RALYL: variants seen among roughly 807,000 people sequenced by gnomAD.
RALYL encodes RNA-binding Raly-like protein.
A neutral mutation model predicts 35.1 loss-of-function variants in RALYL; 29 were observed. The ratio of observed to expected loss-of-function variants is 0.83; its 90% confidence interval spans 0.61 to 1.13. RALYL has a LOEUF of 1.13. Among genes scored for constraint, RALYL ranks in the 50% most tolerant of loss-of-function variants. The pLI, the probability that RALYL is intolerant of heterozygous loss-of-function variation, is 0.00. For synonymous variants in RALYL, 120 were observed against 127.6 expected (o/e 0.94, Z 0.40); for missense variants, 359 against 360.4 (o/e 1.00, Z 0.03).
intron 2 of RALYL, among the ~76,000 whole-genome samples, chr8:84,641,804 A>C (rs1290199769): frequency 2.0e-5 from 3 of 151,386 alleles, no homozygotes; most frequent in Admixed American, 6.6e-5. Flanking sequence ...AAAAAAAAAA[A>C]AAAACTCATA....
At position 84,880,586 on chromosome 8, in the gene RALYL, C is replaced by T. The variant is rs545883062; in HGVS notation, c.686-7018C>T. Among the ~76,000 whole-genome samples the T allele has an allele frequency of 3.9e-5, 6 of 152,044 alleles. No homozygotes were observed. The East Asian group carries it at 9.6e-4, about 24-fold the overall frequency. On this transcript the variant is annotated intron_variant, in intron 7 of 8. Coordinates refer to ENST00000521268, the MANE Select transcript of RALYL (RefSeq NM_173848.7). ...CCTTCCCTCTATTTTCCTAAAGATA[C>T]GCCAATACCCAAACCCTCATCATCT...
rs142132483 is a variant in RALYL at position 84,790,784 on chromosome 8, A to G, written c.333-13986A>G. 2.5e-3 allele frequency among the ~76,000 whole-genome samples: 384 copies of G among 152,348 alleles called. 1 individual carries two copies. The highest frequency in any genetic ancestry group is 7.8e-3 in the African/African-American group (324 of 41,578). On this transcript the variant is annotated intron_variant, in intron 3 of 8. Coordinates refer to ENST00000521268, the MANE Select transcript of RALYL (RefSeq NM_173848.7). ...AAAGAGAAAGTGATGTACAGAAAATAGAAGTGAGATCCAGAAGTAGCGGAT... is the reference window on the plus strand; with the variant it reads ...AAAGAGAAAGTGATGTACAGAAAATGGAAGTGAGATCCAGAAGTAGCGGAT...
intron 2 of RALYL, among the ~76,000 whole-genome samples, chr8:84,750,890 C>T (rs1489386808): frequency 6.6e-6 from 1 of 152,132 alleles, no homozygotes; most frequent in Non-Finnish European, 1.5e-5. Flanking sequence ...TTTCTTCATA[C>T]TTTACCTAGT....
chr8:84,662,993 C>T (rs1831217350), intron 2 of RALYL, among the ~76,000 whole-genome samples: 3 of 151,996 alleles, frequency 2.0e-5, no homozygotes, highest in African/African-American at 7.2e-5. Context: ...CTCCTCCCAC[C>T]CCTCAACAGG....
chr8:84,672,082 A>G (rs1460952471), intron 2 of RALYL, among the ~76,000 whole-genome samples: 1 of 152,192 alleles, frequency 6.6e-6, no homozygotes, highest in Non-Finnish European at 1.5e-5. Flanking sequence ...TCACATCTCT[A>G]ATACTTTTCT....
intron 5 of RALYL, among the ~76,000 whole-genome samples, chr8:84,852,294 C>A (rs1836017234): frequency 6.6e-6 from 1 of 152,104 alleles, no homozygotes; most frequent in African/African-American, 2.4e-5. Flanking sequence ...AAAATATAAT[C>A]TTTAAGAATG....
At chr8:84,826,292 G>GAAAAAAAA in intron 4 of RALYL, among the ~76,000 whole-genome samples, 1 of 66,012 alleles carries the variant, frequency 1.5e-5, no homozygotes, top group East Asian at 6.1e-4. Context: ...CCCTGAATCT[G>GAAAAAAAA]AAAAAAAAAA....
At chr8:84,294,627 G>T (rs980467899) in intron 1 of RALYL, among the ~76,000 whole-genome samples, 1 of 152,034 alleles carries the variant, frequency 6.6e-6, no homozygotes, top group South Asian at 2.1e-4. Context: ...AAGGAAGGTC[G>T]CCAAAATGAG....
intron 2 of RALYL, among the ~76,000 whole-genome samples, chr8:84,652,630 G>A (rs74404362): frequency 1.3e-5 from 2 of 152,068 alleles, no homozygotes; most frequent in East Asian, 3.9e-4. Context: ...AGTGAGTTAG[G>A]TTTTATAACC....
intron 1 of RALYL, among the ~76,000 whole-genome samples, chr8:84,332,937 G>C (rs74401652): frequency 0.027 from 4,124 of 152,160 alleles, 101 homozygotes; most frequent in Non-Finnish European, 0.031. Context: ...TATCAGCAGC[G>C]CTGTTATTTC....
intron 2 of RALYL, among the ~76,000 whole-genome samples, chr8:84,733,995 G>A (rs556987889): frequency 2.0e-5 from 3 of 152,278 alleles, no homozygotes; most frequent in South Asian, 4.1e-4. Context: ...TGTATACAAA[G>A]TATTATTTTG....
At chr8:84,270,447 G>C (rs1378913399) in intron 1 of RALYL, among the ~76,000 whole-genome samples, 3 of 152,084 alleles carry the variant, frequency 2.0e-5, no homozygotes, top group Admixed American at 2.0e-4. Flanking sequence ...CAGGAAAAAG[G>C]GGGAGAATAC....
In RALYL at chr8:84,424,783, C is replaced by A. The variant is rs2046143185; in HGVS notation, c.-23-104516C>A. Among the ~76,000 whole-genome samples the A allele has an allele frequency of 2.0e-5, 3 of 152,078 alleles. No homozygotes were observed. In the South Asian group the frequency reaches 6.2e-4, roughly 31 times the overall value. ...TCCTTGTAACAGACAGGACCCTCAG[C>A]TGCAGGTCTGTTGGAATACCCTGCT... On this transcript the variant is annotated intron_variant, in intron 1 of 8. Transcript: ENST00000521268.
intron 1 of RALYL, among the ~76,000 whole-genome samples, chr8:84,326,019 G>A (rs1395692003): frequency 1.3e-5 from 2 of 152,138 alleles, no homozygotes; most frequent in African/African-American, 4.8e-5. Flanking sequence ...GGCTGAGGCA[G>A]GAGAATCCCT....
chr8:84,346,024 A>T (rs1849772997), intron 1 of RALYL: 1 of 922,984 alleles, frequency 1.1e-6, no homozygotes, highest in Non-Finnish European at 1.3e-6. Flanking sequence ...ACTTGTATGC[A>T]TTTCTCTTAT....
intron 1 of RALYL, among the ~76,000 whole-genome samples, chr8:84,214,566 T>A (rs1820315349): frequency 6.6e-6 from 1 of 152,166 alleles, no homozygotes; most frequent in African/African-American, 2.4e-5. Flanking sequence ...ATTTTTCAAA[T>A]ACTGTGAGAG....
At chr8:84,809,107 C>T (rs1284828456) in intron 4 of RALYL, among the ~76,000 whole-genome samples, 2 of 152,074 alleles carry the variant, frequency 1.3e-5, no homozygotes, top group Non-Finnish European at 2.9e-5. Context: ...ATGCTTTCAA[C>T]TTTTCCCCAT....
chr8:84,896,291 G>T (rs1360567784), intron 8 of RALYL, among the ~76,000 whole-genome samples: 1 of 152,174 alleles, frequency 6.6e-6, no homozygotes, highest in Non-Finnish European at 1.5e-5. Flanking sequence ...ACTGCAAGTT[G>T]TCACCAAGAC....
At chr8:84,311,868 A>C (rs546296293) in intron 1 of RALYL, among the ~76,000 whole-genome samples, 67 of 152,286 alleles carry the variant, frequency 4.4e-4, no homozygotes, top group African/African-American at 1.5e-3. Flanking sequence ...AATAGAACAA[A>C]TACATCAAGG....
Sources: gnomAD v4.1 joint callset for allele counts (sites outside exome capture counted in the v4.1 genomes callset) on GRCh38, gnomAD v4.1.1 for gene constraint, MANE v1.5 for transcripts, NCBI Gene and HGNC (gene_info 2026-07-23, HGNC 2026-07-21) for gene names.